The following DDX10 variants were observed in gnomAD, a reference collection of about 807,000 sequenced individuals.
DDX10 encodes probable ATP-dependent RNA helicase DDX10.
DDX10 carries 74 observed loss-of-function variants against 104.3 expected under a neutral mutation model. The observed-to-expected ratio is 0.71, with a 90% CI of 0.59 to 0.86. DDX10 has a LOEUF of 0.86. Among genes scored for constraint, DDX10 ranks in the 40% least tolerant of loss-of-function variants. The pLI is 0.00. For synonymous variants in DDX10, 351 were observed against 353.4 expected (o/e 0.99, Z 0.08); for missense variants, 952 against 1,040.0 (o/e 0.92, Z 1.16).
intron 13 of DDX10, among the ~76,000 whole-genome samples, chr11:108,735,696 A>G (rs1449532787): frequency 7.3e-6 from 1 of 137,850 alleles, no homozygotes; most frequent in African/African-American, 2.5e-5. Context: ...GAAATAAATT[A>G]TTTCAAGAAC....
Position 108,723,140 on chromosome 11 carries a change from T to C in DDX10, c.1643T>C (p.Phe548Ser). 6.2e-7 allele frequency: 1 copy of C among 1,613,822 alleles called. No individual in the cohort carries two copies. The highest frequency in any genetic ancestry group is 8.5e-7 in the Non-Finnish European group (1 of 1,179,864). Residue 548 changes from phenylalanine to serine, a missense_variant, in exon 13 of 18, where the codon TTT (phenylalanine) becomes TCT (serine). Around this residue, in one of 3 missense-constraint regions of DDX10, gnomAD observed 533 missense variants for 534.1 expected, o/e 1.00. Coordinates refer to ENST00000322536, the MANE Select transcript of DDX10 (RefSeq NM_004398.4). ...PSLTNDEVEE[F>S]RAYFNEKMSI... is the part of the protein sequence containing the mutation. ...CTCACCAATGACGAAGTGGAAGAAT[T>C]TAGAGCCTACTTCAATGAGAAAATG... is the stretch of plus-strand genomic sequence containing the variant.
intron 16 of DDX10, among the ~76,000 whole-genome samples, chr11:108,872,712 G>T (rs1427562642): frequency 6.6e-6 from 1 of 152,120 alleles, no homozygotes; most frequent in Non-Finnish European, 1.5e-5. Context: ...AGTGGGATGT[G>T]TGTTTGTGTT....
intron 13 of DDX10, among the ~76,000 whole-genome samples, chr11:108,818,443 C>T (rs2134574944): frequency 6.6e-6 from 1 of 152,074 alleles, no homozygotes; most frequent in African/African-American, 2.4e-5. Context: ...TGGAATTAGC[C>T]AAATTATGGG....
Position 108,675,580 on chromosome 11 carries a change from C to G in DDX10, c.248-16C>G. On this transcript the variant is annotated splice_polypyrimidine_tract_variant and intron_variant, in intron 2 of 17. Transcript: ENST00000322536. ...AGGGATCTTCTAAAGTATAATTCTT[C>G]CCTCCATGTTGCCAGGTTTGCAAGA... The G allele has an allele frequency of 1.2e-6, 2 of 1,611,992 alleles. No individual in the cohort carries two copies. The highest frequency in any genetic ancestry group is 1.7e-6 in the Non-Finnish European group (2 of 1,179,150).
At chr11:108,740,160 C>T (rs913392339) in intron 13 of DDX10, among the ~76,000 whole-genome samples, 8 of 151,868 alleles carry the variant, frequency 5.3e-5, no homozygotes, top group African/African-American at 1.9e-4. Flanking sequence ...CAAGTAGGCC[C>T]CTGTGTCTCT....
rs201210560 is a variant in DDX10, at chr11:108,715,922, T to C, written c.1366T>C (p.Ser456Pro). 1.3e-6 allele frequency: 2 copies of C among 1,569,338 alleles called. No homozygotes were observed. The highest frequency in any genetic ancestry group is 4.5e-5 in the East Asian group (2 of 44,550). The change falls in exon 11 of 18, where the codon TCT becomes CCT. Residue 456 changes from serine to proline, a missense_variant. Ser to Pro is a moderately conservative substitution (Grantham distance 74). This residue lies in a region of DDX10 where 533 missense variants were observed against 534.1 expected (regional missense o/e 1.00). Transcript: ENST00000322536. ...TATAGATGTCCAGAAAAAATTGGAATCTATTTTAGCTCAAGATCAAGATTT... is the reference window on the plus strand; with the variant it reads ...TATAGATGTCCAGAAAAAATTGGAACCTATTTTAGCTCAAGATCAAGATTT... ...KLIDVQKKLE[S>P]ILAQDQDLKE...
At chr11:108,918,444 T>C (rs1469267139) in intron 17 of DDX10, 1 of 171,072 alleles carries the variant, frequency 5.8e-6, no homozygotes, top group African/African-American at 2.4e-5. Flanking sequence ...CCTTGAATTT[T>C]AAAACGTGGA....
At chr11:108,830,428 G>A (rs752411856) in intron 13 of DDX10, among the ~76,000 whole-genome samples, 18 of 152,044 alleles carry the variant, frequency 1.2e-4, no homozygotes, top group Admixed American at 2.6e-4. Flanking sequence ...TTCATTTACC[G>A]GTTCTGGGAG....
chr11:108,912,500 A>G (rs954786435), intron 16 of DDX10, among the ~76,000 whole-genome samples: 1 of 152,012 alleles, frequency 6.6e-6, no homozygotes, highest in African/African-American at 2.4e-5. Flanking sequence ...CACCCTTTCT[A>G]TTGCTGCATT....
intron 16 of DDX10, 113 bp from the exon 17 acceptor site, chr11:108,917,760 A>G (rs1863769557): frequency 9.6e-7 from 1 of 1,046,460 alleles, no homozygotes; most frequent in Non-Finnish European, 1.4e-6. Flanking sequence ...CCAGAAGAGA[A>G]AGCTAATCTG....
chr11:108,919,886 C>G (rs1286446204), intron 17 of DDX10: 1 of 152,040 alleles, frequency 6.6e-6, no homozygotes, highest in Non-Finnish European at 1.5e-5. Context: ...AGAACTTGTT[C>G]TCTAGTAGCT....
intron 13 of DDX10, among the ~76,000 whole-genome samples, chr11:108,770,739 G>A (rs1565273211): frequency 6.6e-6 from 1 of 151,678 alleles, no homozygotes; most frequent in Admixed American, 6.6e-5. Flanking sequence ...TTGTGCATAT[G>A]TACCTCATTT....
intron 17 of DDX10, chr11:108,920,131 T>C (rs1863804074): frequency 6.6e-6 from 1 of 152,038 alleles, no homozygotes; most frequent in African/African-American, 2.4e-5. Context: ...GGTCCTAATA[T>C]TAATAGGTTA....
At chr11:108,853,865 C>T (rs1237808976) in intron 16 of DDX10, among the ~76,000 whole-genome samples, 2 of 152,204 alleles carry the variant, frequency 1.3e-5, no homozygotes, top group Non-Finnish European at 2.9e-5. Flanking sequence ...TATGTAACCA[C>T]TAAGCATCGG....
At chr11:108,837,707 C>T (rs1466693981) in intron 13 of DDX10, among the ~76,000 whole-genome samples, 1 of 146,324 alleles carries the variant, frequency 6.8e-6, no homozygotes, top group Non-Finnish European at 1.5e-5. Context: ...ACTGCAGCCT[C>T]CACCTCCTGG....
At chr11:108,706,701 G>A (rs1032804247) in intron 9 of DDX10, 38 bp from the exon 10 acceptor site, 3 of 1,464,668 alleles carry the variant, frequency 2.0e-6, no homozygotes, top group Non-Finnish European at 2.9e-6. Flanking sequence ...AATGCAGATT[G>A]CATTGATGTG....
chr11:108,715,632 C>T (rs180846313), intron 10 of DDX10, among the ~76,000 whole-genome samples: 1 of 152,206 alleles, frequency 6.6e-6, no homozygotes, highest in Non-Finnish European at 1.5e-5. Flanking sequence ...TGGTGTTAAT[C>T]CAAGTATTTC....
chr11:108,874,556 A>G (rs1481555223), intron 16 of DDX10, among the ~76,000 whole-genome samples: 1 of 150,328 alleles, frequency 6.7e-6, no homozygotes, highest in Admixed American at 6.6e-5. Context: ...TTTTTTTTTT[A>G]AGTTGAGGTA....
intron 13 of DDX10, among the ~76,000 whole-genome samples, chr11:108,816,316 C>G (rs1405487656): frequency 6.6e-6 from 1 of 152,188 alleles, no homozygotes; most frequent in African/African-American, 2.4e-5. Context: ...TGAGCCTGTT[C>G]TACTATTGTA....
Sources: allele counts gnomAD v4.1 joint callset (sites outside exome capture counted in the v4.1 genomes callset), GRCh38; gene constraint gnomAD v4.1.1; regional missense constraint gnomAD v4.1.1; transcripts MANE v1.5; gene names NCBI Gene and HGNC (gene_info 2026-07-23, HGNC 2026-07-21).